The following DNASE1 variants were observed in gnomAD, a reference collection of about 807,000 sequenced individuals.
The protein encoded by DNASE1 is deoxyribonuclease 1.
In DNASE1, 40 loss-of-function variants were observed where a neutral mutation model predicts 33.9. The ratio of observed to expected loss-of-function variants is 1.18; its 90% CI spans 0.92 to 1.54. DNASE1 has a LOEUF of 1.54. Among genes scored for constraint, DNASE1 ranks in the 40% most tolerant of loss-of-function variants. The probability of loss-of-function intolerance (pLI) is 0.00; values close to 1 mark genes in which losing one functional copy is unlikely to be tolerated. For missense variants in DNASE1, 518 were observed against 372.6 expected (o/e 1.39, Z -3.21); for synonymous variants, 216 against 160.0 (o/e 1.35, Z -2.64).
At position 3,657,225 on chromosome 16, in the gene DNASE1, C is replaced by G. The variant is rs780928961; in HGVS notation, c.588C>G (p.Ser196Arg). 1.2e-6 allele frequency: 2 copies of G among 1,614,000 alleles called. No homozygotes were observed. Among genetic ancestry groups the G allele is most frequent in the Admixed American group, 3.3e-5 (2 of 60,024 alleles). ...TGGGCGACTTCAATGCGGGCTGCAG[C>G]TATGTGAGACCCTCCCAGTGGTCAT... The part of the protein sequence containing the change: ...MLMGDFNAGC[S>R]YVRPSQWSSI... Residue 196 changes from serine (S) to arginine (R), a missense_variant, in exon 7 of 9, where the codon AGC (serine) becomes AGG (arginine). Ser to Arg is a moderately radical substitution (Grantham distance 110). Transcript: ENST00000246949.
chr16:3,625,010 T>C (rs541423542), intron 1 of DNASE1, among the ~76,000 whole-genome samples: 1 of 152,230 alleles, frequency 6.6e-6, no homozygotes, highest in Admixed American at 6.5e-5. Context: ...GTTTTTCTTA[T>C]TAAAACTTAA....
downstream of DNASE1, chr16:3,660,262 C>G (rs2042994137): frequency 6.6e-6 from 1 of 152,192 alleles, no homozygotes; most frequent in Admixed American, 6.5e-5. Flanking sequence ...GCACTGGGGA[C>G]ACAGGTAGGA....
intron 1 of DNASE1, among the ~76,000 whole-genome samples, chr16:3,614,891 T>G (rs2041045088): frequency 6.6e-6 from 1 of 152,256 alleles, no homozygotes; most frequent in Non-Finnish European, 1.5e-5. Flanking sequence ...AAGTGCCTGT[T>G]TCCTATTTAG....
intron 4 of DNASE1, 88 bp downstream of exon 4, chr16:3,656,273 C>T (rs1319135043): frequency 2.1e-6 from 3 of 1,403,652 alleles, no homozygotes; most frequent in South Asian, 1.2e-5. Flanking sequence ...TTAGTTTGTC[C>T]TATGGCAAGA....
downstream of DNASE1, chr16:3,662,797 C>G: frequency 7.6e-7 from 1 of 1,318,010 alleles, no homozygotes; most frequent in Non-Finnish European, 1.1e-6. Context: ...GGACACCCAA[C>G]GGGCCAGGTA....
upstream of DNASE1, among the ~76,000 whole-genome samples, chr16:3,641,686 A>T (rs1305226670): frequency 6.6e-6 from 1 of 152,198 alleles, no homozygotes; most frequent in Non-Finnish European, 1.5e-5. Flanking sequence ...GTTACAGAGA[A>T]GGTGACAGCT....
chr16:3,613,234 C>G (rs902282752), intron 1 of DNASE1, among the ~76,000 whole-genome samples: 1 of 152,166 alleles, frequency 6.6e-6, no homozygotes, highest in Non-Finnish European at 1.5e-5. Flanking sequence ...TCATGTGATA[C>G]TTGGCTTTTT....
intron 3 of DNASE1, 77 bp downstream of exon 3, chr16:3,656,014 G>A (rs2042582276): frequency 6.2e-7 from 1 of 1,609,934 alleles, no homozygotes; most frequent in South Asian, 1.1e-5. Flanking sequence ...GGCCCCAAGG[G>A]TGGGGACCTG....
exon 10 of DNASE1, chr16:3,664,586 A>C (rs1436154672): frequency 2.0e-6 from 2 of 979,756 alleles, no homozygotes; most frequent in East Asian, 2.7e-5. Context: ...GACCCGAGGG[A>C]CGGTAGTGGA....
In DNASE1 at chr16:3,663,495, T is replaced by C. The variant is rs149368223; in HGVS notation, c.*5542T>C. 13 of 1,613,874 alleles carry C rather than the reference T, an allele frequency of 8.1e-6. No homozygotes were observed. The highest frequency in any genetic ancestry group is 2.7e-5 in the African/African-American group (2 of 74,894). On this transcript the variant is annotated 3_prime_UTR_variant, in exon 10 of 10. Transcript: ENST00000407479. Reference sequence around the variant, plus strand: ...TATGTCCGTCTCCACAGAGATCAGCTTCTTCTTGTCAAACTCACGAAGGTG... The same window carrying C: ...TATGTCCGTCTCCACAGAGATCAGCCTCTTCTTGTCAAACTCACGAAGGTG...
downstream of DNASE1, chr16:3,660,934 ATAC>A (rs1404520859): frequency 2.7e-5 from 4 of 147,768 alleles, no homozygotes; most frequent in African/African-American, 9.7e-5. Flanking sequence ...AAAAATTAAA[ATAC>A]TACTTAGGCT....
In DNASE1 at chr16:3,655,845, C is replaced by T. The variant is rs372902716; in HGVS notation, c.148-4C>T. 5.0e-6 allele frequency: 8 copies of T among 1,613,174 alleles called. No individual in the cohort carries two copies. The highest frequency in any genetic ancestry group is 3.3e-5 in the Admixed American group (2 of 59,984). ...GCTCAGCACCACTGTGGCCCTGCCC[C>T]CAGATCCTGAGCCGCTATGACATCG... On this transcript the variant is annotated splice_polypyrimidine_tract_variant and splice_region_variant and intron_variant, in intron 2 of 8. Coordinates refer to ENST00000246949, the MANE Select transcript of DNASE1 (RefSeq NM_005223.4).
At chr16:3,657,484 C>G in intron 7 of DNASE1, 143 bp downstream of exon 7, 3 of 1,303,638 alleles carry the variant, frequency 2.3e-6, no homozygotes, top group Non-Finnish European at 3.1e-6. Context: ...AACAGAATAA[C>G]AAGAGCCACG....
exon 10 of DNASE1, chr16:3,663,815 T>C: frequency 4.0e-6 from 2 of 498,962 alleles, no homozygotes; most frequent in Non-Finnish European, 7.2e-6. Flanking sequence ...GGCTCACGCC[T>C]GTAATCCCAG....
chr16:3,652,612 C>T (rs866738213), upstream of DNASE1: 6 of 152,186 alleles, frequency 3.9e-5, no homozygotes, highest in Admixed American at 6.5e-5. Flanking sequence ...TGGTAGACGC[C>T]GTCTCAATAG....
At chr16:3,642,032 C>T (rs12920669), upstream of DNASE1, among the ~76,000 whole-genome samples, 1 of 152,226 alleles carries the variant, frequency 6.6e-6, no homozygotes, top group Non-Finnish European at 1.5e-5. Context: ...GTGGGGGCTG[C>T]ATCATGGCAC....
rs369908411 is a variant in DNASE1, at chr16:3,656,198, G to A, written c.320+13G>A. The A allele has an allele frequency of 6.4e-5, 104 of 1,613,386 alleles. No individual in the cohort carries two copies. The highest frequency in any genetic ancestry group is 8.5e-5 in the Non-Finnish European group (100 of 1,179,762). On this transcript the variant is annotated intron_variant, in intron 4 of 8. Coordinates refer to ENST00000246949, the MANE Select transcript of DNASE1 (RefSeq NM_005223.4). ...TGTTCGTGTACAGGTGGGTGGTCTAGAAAGCCAGGAAGCCCCTCCCTCACC... is the reference window on the plus strand; with the variant it reads ...TGTTCGTGTACAGGTGGGTGGTCTAAAAAGCCAGGAAGCCCCTCCCTCACC...
chr16:3,629,902 T>C (rs1194231555), intron 1 of DNASE1, among the ~76,000 whole-genome samples: 1 of 152,138 alleles, frequency 6.6e-6, no homozygotes, highest in Non-Finnish European at 1.5e-5. Context: ...CAACCTCTGC[T>C]TCCTGGGTTC....
chr16:3,663,976 T>G (rs2151242688), exon 10 of DNASE1: 1 of 353,820 alleles, frequency 2.8e-6, no homozygotes, highest in African/African-American at 2.1e-5. Context: ...GGCAGGAGAA[T>G]GACCTGAACC....
Sources: allele counts gnomAD v4.1 joint callset (sites outside exome capture counted in the v4.1 genomes callset), GRCh38; gene constraint gnomAD v4.1.1; transcripts MANE v1.5; gene names NCBI Gene and HGNC (gene_info 2026-07-23, HGNC 2026-07-21).